CCNG2: variants seen among roughly 807,000 people sequenced by gnomAD.
CCNG2 encodes the protein cyclin G2.
In CCNG2, 20 loss-of-function variants were observed where a neutral mutation model predicts 36.5. The ratio of observed to expected loss-of-function variants is 0.55; its 90% confidence interval spans 0.39 to 0.80. The LOEUF is 0.80. Among genes scored for constraint, CCNG2 ranks in the 30% least tolerant of loss-of-function variants. The pLI is 0.00. For synonymous variants in CCNG2, 155 were observed against 140.1 expected (o/e 1.11, Z -0.75); for missense variants, 358 against 390.8 (o/e 0.92, Z 0.71).
At chr4:77,159,308 T>G in intron 2 of CCNG2, 59 bp from the exon 3 acceptor site, 2 of 1,498,298 alleles carry the variant, frequency 1.3e-6, no homozygotes, top group South Asian at 2.4e-5. Context: ...TGGACCTGTA[T>G]GTGTTTTTCA....
chr4:77,164,061 T>TG (rs1444875304), intron 6 of CCNG2, among the ~76,000 whole-genome samples: 6 of 152,308 alleles, frequency 3.9e-5, no homozygotes, highest in African/African-American at 1.4e-4. Flanking sequence ...TTTTGAAAGT[T>TG]TGGCTGCACA....
intron 6 of CCNG2, among the ~76,000 whole-genome samples, chr4:77,162,733 C>G (rs1012251993): frequency 1.3e-5 from 2 of 151,984 alleles, no homozygotes; most frequent in Non-Finnish European, 2.9e-5. Context: ...AGGAGAAACA[C>G]TATGACTGGG....
In CCNG2 at chr4:77,165,930, T is replaced by G; in HGVS notation, c.*6T>G. 6.3e-7 allele frequency: 1 copy of G among 1,591,978 alleles called. No individual in the cohort carries two copies. The highest frequency in any genetic ancestry group is 8.5e-7 in the Non-Finnish European group (1 of 1,173,536). ...CACTGTGCTTTCCATCTTAGAAATC[T>G]GATTGTTCTGTCAGAATTTATATTT... On this transcript the variant is annotated 3_prime_UTR_variant, in exon 8 of 8. Transcript: ENST00000316355.
Position 77,167,229 on chromosome 4 carries a change from T to G in CCNG2, c.*1305T>G, listed in dbSNP as rs1731653706. 6.6e-6 allele frequency: 1 copy of G among 152,222 alleles called. No homozygotes were observed. Among genetic ancestry groups the G allele is most frequent in the Non-Finnish European group, 1.5e-5 (1 of 68,034 alleles). 9.4% of individuals were successfully genotyped at this position (152,222 alleles called of 1,614,324 possible). ...AATTCTCCTTGTTTGGGATCACATC[T>G]TAATTTTTAATCTGTTAAAAGTTCT... On this transcript the variant is annotated 3_prime_UTR_variant, in exon 8 of 8. Coordinates refer to ENST00000316355, the MANE Select transcript of CCNG2 (RefSeq NM_004354.3).
intron 6 of CCNG2, 25 bp from the exon 7 acceptor site, chr4:77,164,243 GCCGTAA>G (rs1731562791): frequency 6.5e-7 from 1 of 1,547,638 alleles, no homozygotes; most frequent in Non-Finnish European, 8.9e-7. Flanking sequence ...GGGAGACATT[GCCGTAA>G]CCTCTTAAAA....
Position 77,161,575 on chromosome 4 carries a change from C to T in CCNG2, c.606+17C>T, listed in dbSNP as rs1560422747. Reference sequence around the variant, plus strand: ...AAAGCAAAAGTAAGTCGATTCCTTGCTTATGTATATATCTCACAGTTTGTA... The same window carrying T: ...AAAGCAAAAGTAAGTCGATTCCTTGTTTATGTATATATCTCACAGTTTGTA... On this transcript the variant is annotated intron_variant, in intron 5 of 7. Coordinates refer to ENST00000316355, the MANE Select transcript of CCNG2 (RefSeq NM_004354.3). 6.3e-7 allele frequency: 1 copy of T among 1,597,316 alleles called. No individual in the cohort carries two copies. Among genetic ancestry groups the T allele is most frequent in the Non-Finnish European group, 8.5e-7 (1 of 1,171,548 alleles).
chr4:77,165,859 A>G lies in CCNG2; in HGVS notation c.970A>G (p.Ser324Gly), dbSNP rs780254344. The G allele has an allele frequency of 7.4e-6, 12 of 1,611,508 alleles. No homozygotes were observed. The highest frequency in any genetic ancestry group is 3.3e-4 in the Middle Eastern group (2 of 6,080). The change falls in exon 8 of 8, where the codon AGT becomes GGT. Residue 324 changes from serine (S) to glycine (G), a missense_variant. Physicochemically the swap from Ser to Gly is moderately conservative, Grantham distance 56. Coordinates refer to ENST00000316355, the MANE Select transcript of CCNG2 (RefSeq NM_004354.3). Reference protein sequence around the residue: ...GEESLSSSPPSDQECTFFFNF... With the variant: ...GEESLSSSPPGDQECTFFFNF... ...GGAGAGTCTCAGCAGCTCTCCTCCC[A>G]GTGATCAAGAGTGCACCTTCTTTTT...
chr4:77,166,124 A>T lies in CCNG2; in HGVS notation c.*200A>T. On this transcript the variant is annotated 3_prime_UTR_variant, in exon 8 of 8. Coordinates refer to ENST00000316355, the MANE Select transcript of CCNG2 (RefSeq NM_004354.3). ...CAAATGGGGTAGTGCCTCTTAAACC[A>T]TTAACAGTACTTTAGACATTGGCAC... The T allele has an allele frequency of 4.9e-6, 2 of 409,530 alleles. No homozygotes were observed. Among genetic ancestry groups the T allele is most frequent in the Non-Finnish European group, 8.6e-6 (2 of 233,018 alleles). 25.4% of individuals were successfully genotyped at this position (409,530 alleles called of 1,614,324 possible). A position where few individuals can be genotyped will look rare whatever the true frequency, so the allele number is the denominator to read the frequency against.
chr4:77,165,981 G>A lies in CCNG2; in HGVS notation c.*57G>A. ...ACAGGTTTCAAAGCAATAAATGGGG[G>A]AATAGGTAGTTTCCTGGTTTAGCCC... On this transcript the variant is annotated 3_prime_UTR_variant, in exon 8 of 8. Coordinates refer to ENST00000316355, the MANE Select transcript of CCNG2 (RefSeq NM_004354.3). The A allele has an allele frequency of 2.0e-6, 3 of 1,515,748 alleles. No homozygotes were observed. The highest frequency in any genetic ancestry group is 1.3e-5 in the South Asian group (1 of 78,502). 93.9% of individuals were successfully genotyped at this position (1,515,748 alleles called of 1,614,324 possible).
At chr4:77,158,140 C>T (rs554531872) in intron 1 of CCNG2, among the ~76,000 whole-genome samples, 58 of 152,122 alleles carry the variant, frequency 3.8e-4, no homozygotes, top group African/African-American at 1.3e-3. Flanking sequence ...TATTGTGCAA[C>T]ACCCCATCCC....
chr4:77,164,169 C>T (rs1191390861), intron 6 of CCNG2, 105 bp from the exon 7 acceptor site: 18 of 735,460 alleles, frequency 2.4e-5, no homozygotes, highest in South Asian at 3.6e-5. Context: ...GTAGTGGGAG[C>T]CAGGCATCTA....
chr4:77,158,424 G>T, intron 1 of CCNG2, 109 bp from the exon 2 acceptor site: 1 of 1,054,888 alleles, frequency 9.5e-7, no homozygotes, highest in South Asian at 1.4e-5. Flanking sequence ...CTCCTTGTCG[G>T]GGTGTGCTGG....
chr4:77,160,558 T>C (rs909606342), intron 3 of CCNG2, among the ~76,000 whole-genome samples, 163 bp from the exon 4 acceptor site: 1 of 146,746 alleles, frequency 6.8e-6, no homozygotes, highest in Non-Finnish European at 1.5e-5. Flanking sequence ...CGAGAACGTC[T>C]AAAATGTGAA....
rs148756248 is a variant in CCNG2 at position 77,158,003 on chromosome 4, G to C, written c.-1+497G>C. 4.7e-3 allele frequency among the ~76,000 whole-genome samples: 717 copies of C among 152,176 alleles called. 5 individuals carry two copies. The highest frequency in any genetic ancestry group is 0.017 in the African/African-American group (694 of 41,524). ...CGGAATCGGCGCTGCAGCAGCGGACGGGAAAAGCTGGGGGCGGGACTCTCC... is the reference window on the plus strand; with the variant it reads ...CGGAATCGGCGCTGCAGCAGCGGACCGGAAAAGCTGGGGGCGGGACTCTCC... On this transcript the variant is annotated intron_variant, in intron 1 of 7. Coordinates refer to ENST00000316355, the MANE Select transcript of CCNG2 (RefSeq NM_004354.3).
chr4:77,164,525 AC>A, intron 7 of CCNG2, 46 bp downstream of exon 7: 1 of 1,391,666 alleles, frequency 7.2e-7, no homozygotes, highest in East Asian at 2.3e-5. Flanking sequence ...ACTAAATATT[AC>A]TGAGTTTATT....
At chr4:77,158,071 C>T (rs950456228) in intron 1 of CCNG2, among the ~76,000 whole-genome samples, 69 of 152,116 alleles carry the variant, frequency 4.5e-4, no homozygotes, top group African/African-American at 1.7e-3. Context: ...GGGCGGGGCT[C>T]GGGAGTCTCC....
At chr4:77,162,904 C>CT (rs1343674036) in intron 6 of CCNG2, among the ~76,000 whole-genome samples, 1 of 151,846 alleles carries the variant, frequency 6.6e-6, no homozygotes, top group Non-Finnish European at 1.5e-5. Context: ...CTGTCCAACT[C>CT]AAACAGTGGT....
In CCNG2 at chr4:77,157,242, C is replaced by T. The variant is rs1324764739; in HGVS notation, c.-265C>T. 1 of 152,266 alleles carries T rather than the reference C, an allele frequency of 6.6e-6. No individual in the cohort carries two copies. Among genetic ancestry groups the T allele is most frequent in the Non-Finnish European group, 1.5e-5 (1 of 68,138 alleles). 9.4% of individuals were successfully genotyped at this position (152,266 alleles called of 1,614,324 possible). A position where few individuals can be genotyped will look rare whatever the true frequency, so the allele number is the denominator to read the frequency against. On this transcript the variant is annotated 5_prime_UTR_variant, in exon 1 of 8. Coordinates refer to ENST00000316355, the MANE Select transcript of CCNG2 (RefSeq NM_004354.3). ...AAAACAAGGGGCTCGGGGAGGTTTC[C>T]GCTGAGGCGGCGGGGGTGCGGCGGT...
rs745928364 is a variant in CCNG2, at chr4:77,164,452, A to AGG, written c.889_890dup (p.Cys298ValfsTer15). The AGG allele has an allele frequency of 1.2e-6, 2 of 1,613,810 alleles. No homozygotes were observed. The highest frequency in any genetic ancestry group is 1.7e-6 in the Non-Finnish European group (2 of 1,179,886). On this transcript the variant is annotated frameshift_variant, in exon 7 of 8. Coordinates refer to ENST00000316355, the MANE Select transcript of CCNG2 (RefSeq NM_004354.3). LOFTEE classifies it high-confidence loss of function. ...GTTCCTGAGCTGCCAACGATACCTG[A>AGG]GGGGGGTTGTTTTGATGAAAGTGAA...
Sources: allele counts gnomAD v4.1 joint callset (sites outside exome capture counted in the v4.1 genomes callset), GRCh38; gene constraint gnomAD v4.1.1; transcripts MANE v1.5; gene names NCBI Gene and HGNC (gene_info 2026-07-23, HGNC 2026-07-21).